Variants in TEKT1 observed in about 807,000 individuals in gnomAD.
TEKT1 encodes the protein tektin-1.
Under a neutral mutation model 34.8 loss-of-function variants are expected in TEKT1, and 32 were observed. That is an observed-to-expected ratio of 0.92 (90% CI 0.69 to 1.23). The LOEUF (loss-of-function observed/expected upper bound fraction) is 1.23, where lower values mean the gene tolerates loss of function less well. TEKT1 is among the 50% of genes most tolerant of loss of function. TEKT1 has a pLI of 0.00. For missense variants in TEKT1, 492 were observed against 518.5 expected, an observed-to-expected ratio of 0.95 and a Z score of 0.50; for synonymous variants, 207 against 199.8, an observed-to-expected ratio of 1.04 and a Z score of -0.30.
chr17:6,810,260 C>T (rs1976909317), intron 6 of TEKT1, among the ~76,000 whole-genome samples: 1 of 152,166 alleles, frequency 6.6e-6, no homozygotes, highest in South Asian at 2.1e-4. Flanking sequence ...TACTTGCCCT[C>T]TGTATATCTG....
chr17:6,808,197 C>G (rs1236315677), intron 6 of TEKT1, among the ~76,000 whole-genome samples: 1 of 152,170 alleles, frequency 6.6e-6, no homozygotes, highest in Admixed American at 6.5e-5. Context: ...TGGCTGCCAC[C>G]TTGCAATTTG....
chr17:6,809,057 C>A (rs1976889044), intron 6 of TEKT1, among the ~76,000 whole-genome samples: 1 of 151,980 alleles, frequency 6.6e-6, no homozygotes, highest in African/African-American at 2.4e-5. Flanking sequence ...AAGTAGAATT[C>A]CCATATGCTT....
intron 2 of TEKT1, among the ~76,000 whole-genome samples, chr17:6,828,703 G>A (rs576019957): frequency 4.6e-5 from 7 of 152,130 alleles, no homozygotes; most frequent in South Asian, 2.1e-4. Context: ...ATAGATAGTC[G>A]AGTTGGTTAC....
intron 6 of TEKT1, among the ~76,000 whole-genome samples, chr17:6,803,406 G>T (rs1976803444): frequency 6.6e-6 from 1 of 152,098 alleles, no homozygotes; most frequent in Non-Finnish European, 1.5e-5. Flanking sequence ...CCATTCTGCA[G>T]GTTGCCTGTT....
intron 6 of TEKT1, among the ~76,000 whole-genome samples, chr17:6,807,886 G>A (rs1976867994): frequency 6.6e-6 from 1 of 152,206 alleles, no homozygotes; most frequent in African/African-American, 2.4e-5. Context: ...CTACTGGGGG[G>A]TGCCTCCCAG....
rs1976737512 is a variant in TEKT1 at position 6,799,585 on chromosome 17, C to T, written c.*442G>A. On this transcript the variant is annotated 3_prime_UTR_variant, in exon 8 of 8. Transcript: ENST00000338694. ...TGACTTGAATGAATGGAATTTTGTT[C>T]TTTTTCTTTATGTTATTTGAGTATT... is the stretch of plus-strand genomic sequence containing the variant. The T allele has an allele frequency of 6.5e-6, 1 of 153,738 alleles. No homozygotes were observed. Among genetic ancestry groups the T allele is most frequent in the Non-Finnish European group, 1.4e-5 (1 of 69,250 alleles). The allele number at this position is 153,738 out of a possible 1,614,324, so 9.5% of individuals were successfully genotyped here.
chr17:6,811,783 G>A lies in TEKT1; in HGVS notation c.852+1048C>T, dbSNP rs764449244. 1.5e-4 allele frequency among the ~76,000 whole-genome samples: 23 copies of A among 152,170 alleles called. No individual in the cohort carries two copies. The highest frequency in any genetic ancestry group is 2.6e-4 in the Non-Finnish European group (18 of 68,030). The stretch of plus-strand genomic sequence containing the variant: ...GTTTCAGCTTCACCAGCAGTAAAGC[G>A]TAGGGTGGGCTGACAGTGGCCTGCT... On this transcript the variant is annotated intron_variant, in intron 6 of 7. Coordinates refer to ENST00000338694, the MANE Select transcript of TEKT1 (RefSeq NM_053285.2). The surrounding 1 kb of genome is among the most constrained non-coding windows in gnomAD (Gnocchi z 4.4).
intron 2 of TEKT1, among the ~76,000 whole-genome samples, chr17:6,829,268 C>T (rs886628225): frequency 3.3e-5 from 5 of 152,122 alleles, no homozygotes; most frequent in Admixed American, 6.5e-5. Context: ...ACATCTACTC[C>T]GCCCCGTCTT....
rs143365780 is a variant in TEKT1, at chr17:6,812,981, G to T, written c.702C>A (p.Asn234Lys). The change falls in exon 6 of 8, where the codon AAC becomes AAA. Residue 234 changes from asparagine (N) to lysine (K), a missense_variant. Coordinates refer to ENST00000338694, the MANE Select transcript of TEKT1 (RefSeq NM_053285.2). ...NVEKADKQRN[N>K]SLMLKALVDR... ...CCACCAGGGCTTTCAGCATCAGGGA[G>T]TTGTTCCGCTGCTTGTCAGCCTTCT... 1.6e-4 allele frequency: 258 copies of T among 1,614,246 alleles called. 1 individual carries two copies. The African/African-American group carries it at 3.2e-3, about 20-fold the overall frequency.
intron 4 of TEKT1, 64 bp from the exon 5 acceptor site, chr17:6,815,370 G>A (rs1976990514): frequency 1.2e-6 from 2 of 1,603,180 alleles, no homozygotes; most frequent in African/African-American, 2.7e-5. Flanking sequence ...CACGTCCTCA[G>A]AGAGGTCCTG....
intron 2 of TEKT1, among the ~76,000 whole-genome samples, chr17:6,823,772 C>T (rs1045247725): frequency 6.6e-6 from 1 of 150,496 alleles, no homozygotes; most frequent in African/African-American, 2.4e-5. Flanking sequence ...ATTTAGACAA[C>T]CACTGATACA....
At chr17:6,815,745 T>C in intron 4 of TEKT1, 89 bp downstream of exon 4, 1 of 1,567,836 alleles carries the variant, frequency 6.4e-7, no homozygotes, top group South Asian at 1.2e-5. Flanking sequence ...AACCCCTTTC[T>C]TTCTGTGCCA....
chr17:6,828,186 C>T (rs1414357048), intron 2 of TEKT1, among the ~76,000 whole-genome samples: 3 of 152,268 alleles, frequency 2.0e-5, no homozygotes, highest in Non-Finnish European at 4.4e-5. Flanking sequence ...CCTTGTGATC[C>T]GCCCACGTTG....
rs546478667 is a variant in TEKT1, at chr17:6,812,259, C to T, written c.852+572G>A. ...CATGTGGAACTGTAAGTCAATTAAA[C>T]CTCTTTCCTTTATAAATTACCCAGT... On this transcript the variant is annotated intron_variant, in intron 6 of 7. Transcript: ENST00000338694. Among the ~76,000 whole-genome samples the T allele has an allele frequency of 5.3e-5, 8 of 152,240 alleles. No homozygotes were observed. The South Asian group carries it at 6.2e-4, about 12-fold the overall frequency.
intron 6 of TEKT1, among the ~76,000 whole-genome samples, chr17:6,801,612 G>A (rs1976773995): frequency 6.6e-6 from 1 of 152,114 alleles, no homozygotes; most frequent in South Asian, 2.1e-4. Flanking sequence ...GGAGGCTGAG[G>A]CAGGAGAATT....
chr17:6,800,715 GA>G (rs1567675871), intron 7 of TEKT1, 31 bp downstream of exon 7: 4 of 1,589,652 alleles, frequency 2.5e-6, no homozygotes, highest in African/African-American at 1.3e-5. Flanking sequence ...ATTGAGACCC[GA>G]AGGCCCTCTG....
intron 6 of TEKT1, among the ~76,000 whole-genome samples, chr17:6,812,588 G>A (rs1025753017): frequency 3.3e-5 from 5 of 152,182 alleles, no homozygotes; most frequent in Non-Finnish European, 7.3e-5. Flanking sequence ...TCTGTTCTCT[G>A]CATTTCTGTT....
chr17:6,800,559 T>C (rs1210689328), intron 7 of TEKT1, among the ~76,000 whole-genome samples, 188 bp downstream of exon 7: 1 of 152,246 alleles, frequency 6.6e-6, no homozygotes, highest in Admixed American at 6.5e-5. Flanking sequence ...CACTCAATAT[T>C]GGGATCCATT....
In TEKT1 at chr17:6,830,270, C is replaced by T. The variant is rs771322076; in HGVS notation, c.107G>A (p.Arg36His). 6 of 1,613,390 alleles carry T rather than the reference C, an allele frequency of 3.7e-6. No individual in the cohort carries two copies. The highest frequency in any genetic ancestry group is 1.7e-4 in the Middle Eastern group (1 of 6,060). The change falls in exon 2 of 8, where the codon CGC becomes CAC. Residue 36 changes from arginine (R) to histidine (H), a missense_variant. Physicochemically the swap from Arg to His is conservative, Grantham distance 29. Coordinates refer to ENST00000338694, the MANE Select transcript of TEKT1 (RefSeq NM_053285.2). ...RADAQRSRSERLVAESQRLVD... is the reference protein window; with the variant it reads ...RADAQRSRSEHLVAESQRLVD... ...AAGCCTCTGGCTTTCTGCGACCAGG[C>T]GTTCTGATCGGGACCTTTGAGCGTC... is the stretch of plus-strand genomic sequence containing the variant.
Sources: gnomAD v4.1 joint callset for allele counts (sites outside exome capture counted in the v4.1 genomes callset) on GRCh38, gnomAD v4.1.1 for gene constraint, Gnocchi (gnomAD v3.1) non-coding constraint, MANE v1.5 for transcripts, NCBI Gene and HGNC (gene_info 2026-07-23, HGNC 2026-07-21) for gene names.